Variants in MAP3K21 observed in about 807,000 individuals in gnomAD.
MAP3K21 encodes the protein mitogen-activated protein kinase kinase kinase 21, also known as mitogen-activated protein kinase kinase kinase MLK4.
MAP3K21 carries 63 observed loss-of-function variants against 86.1 expected under a neutral mutation model. The observed-to-expected ratio is 0.73, with a 90% CI of 0.60 to 0.90. The LOEUF (loss-of-function observed/expected upper bound fraction) is 0.90, where lower values mean the gene tolerates loss of function less well. MAP3K21 is among the 40% of genes least tolerant of loss of function. The pLI is 0.00. For synonymous variants in MAP3K21, 558 were observed against 564.8 expected, an observed-to-expected ratio of 0.99 and a Z score of 0.17; for missense variants, 1,220 against 1,367.7, an observed-to-expected ratio of 0.89 and a Z score of 1.70.
chr1:233,330,362 C>A lies in MAP3K21; in HGVS notation c.805+1529C>A, dbSNP rs190840778. On this transcript the variant is annotated intron_variant, in intron 1 of 9. Coordinates refer to ENST00000366624, the MANE Select transcript of MAP3K21 (RefSeq NM_032435.3). ...TGACAGACCACATGAAGGACTATAG[C>A]ATTGCTTGCTTTTGAACTGTGTTAC... 5.0e-3 allele frequency among the ~76,000 whole-genome samples: 767 copies of A among 152,294 alleles called. 6 individuals carry two copies. Among genetic ancestry groups the A allele is most frequent in the Non-Finnish European group, 7.3e-3 (497 of 68,034 alleles).
At position 233,382,796 on chromosome 1, in the gene MAP3K21, CTG is replaced by C. The variant is rs769902532; in HGVS notation, c.*89_*90del. The stretch of plus-strand genomic sequence containing the variant: ...TCTACCTTTGAACTGTTTCATGCTG[CTG>C]TGTTTTCAAAAGCTGTGGCCATGTT... On this transcript the variant is annotated 3_prime_UTR_variant, in exon 10 of 10. Coordinates refer to ENST00000366624, the MANE Select transcript of MAP3K21 (RefSeq NM_032435.3). The C allele has an allele frequency of 5.7e-6, 7 of 1,235,146 alleles. No homozygotes were observed. Among genetic ancestry groups the C allele is most frequent in the Admixed American group, 2.3e-5 (1 of 42,980 alleles). 76.5% of individuals were successfully genotyped at this position (1,235,146 alleles called of 1,614,324 possible). A position where few individuals can be genotyped will look rare whatever the true frequency, so the allele number is the denominator to read the frequency against.
At position 233,337,604 on chromosome 1, in the gene MAP3K21, G is replaced by C. The variant is rs972089146; in HGVS notation, c.805+8771G>C. ...ATTTGTTCATCTTGGTTGGAGGTGA[G>C]GGTCTTTTTAATTTGGCTAACTTGG... On this transcript the variant is annotated intron_variant, in intron 1 of 9. Coordinates refer to ENST00000366624, the MANE Select transcript of MAP3K21 (RefSeq NM_032435.3). Among the ~76,000 whole-genome samples, 3 of 152,270 alleles carry C rather than the reference G, an allele frequency of 2.0e-5. No individual in the cohort carries two copies. The East Asian group carries it at 5.8e-4, about 29-fold the overall frequency.
intron 4 of MAP3K21, among the ~76,000 whole-genome samples, chr1:233,355,247 AGAG>A (rs1663331098): frequency 1.4e-5 from 2 of 139,442 alleles, no homozygotes; most frequent in African/African-American, 2.7e-5. Context: ...AAAGAGAGAG[AGAG>A]CAAATAGCAT....
intron 9 of MAP3K21, 99 bp downstream of exon 9, chr1:233,379,809 AT>A: frequency 1.1e-6 from 1 of 921,636 alleles, no homozygotes; most frequent in Non-Finnish European, 1.6e-6. Context: ...TGGTGATGAC[AT>A]TTAATAATTT....
intron 9 of MAP3K21, among the ~76,000 whole-genome samples, chr1:233,382,028 T>C (rs1663925099): frequency 6.6e-6 from 1 of 152,212 alleles, no homozygotes; most frequent in South Asian, 2.1e-4. Context: ...TAGGTTGAAG[T>C]ACTCTTTGCA....
chr1:233,370,570 A>G (rs1663662019), intron 5 of MAP3K21, among the ~76,000 whole-genome samples: 1 of 152,202 alleles, frequency 6.6e-6, no homozygotes, highest in South Asian at 2.1e-4. Flanking sequence ...CTTCATCTCA[A>G]ATAGCAGTTC....
At chr1:233,381,325 T>C (rs75423874) in intron 9 of MAP3K21, among the ~76,000 whole-genome samples, 1,941 of 152,286 alleles carry the variant, frequency 0.013, 31 homozygotes, top group African/African-American at 0.042. Context: ...ATCTGTACAA[T>C]TGAGATCGTG....
At chr1:233,363,921 G>T (rs1481902250) in intron 5 of MAP3K21, among the ~76,000 whole-genome samples, 1 of 151,924 alleles carries the variant, frequency 6.6e-6, no homozygotes, top group Non-Finnish European at 1.5e-5. Context: ...GGCTGAGGCG[G>T]GGGAATCTCT....
At position 233,382,646 on chromosome 1, in the gene MAP3K21, T is replaced by C. The variant is rs1367040741; in HGVS notation, c.3046T>C (p.Cys1016Arg). 1.2e-6 allele frequency: 2 copies of C among 1,614,188 alleles called. No individual in the cohort carries two copies. The highest frequency in any genetic ancestry group is 1.6e-4 in the Middle Eastern group (1 of 6,062). ...GQSRDYTVPL[C>R]RMRSKTSRPS... ...GAGCAGGGACTACACTGTGCCACTGTGCAGAATGAGGAGCAAAACCAGCCG... is the reference window on the plus strand; with the variant it reads ...GAGCAGGGACTACACTGTGCCACTGCGCAGAATGAGGAGCAAAACCAGCCG... The change falls in exon 10 of 10, where the codon TGC becomes CGC. Residue 1016 changes from cysteine to arginine, a missense_variant. By Grantham distance (180) the Cys-to-Arg change is radical. Around this residue, in one of 5 missense-constraint regions of MAP3K21, gnomAD observed 632 missense variants for 691.3 expected, o/e 0.91. Transcript: ENST00000366624.
chr1:233,378,631 T>G (rs1234390948), intron 8 of MAP3K21, among the ~76,000 whole-genome samples: 1 of 152,188 alleles, frequency 6.6e-6, no homozygotes, highest in Non-Finnish European at 1.5e-5. Context: ...TTTTGTGTTT[T>G]GATGACTGTT....
intron 1 of MAP3K21, among the ~76,000 whole-genome samples, chr1:233,345,467 C>A (rs1194059762): frequency 6.6e-6 from 1 of 151,082 alleles, no homozygotes; most frequent in Non-Finnish European, 1.5e-5. Context: ...TCATTCTGAG[C>A]AAACTGTCAC....
intron 8 of MAP3K21, among the ~76,000 whole-genome samples, chr1:233,377,904 T>C (rs1409551037): frequency 6.6e-6 from 1 of 152,212 alleles, no homozygotes; most frequent in Non-Finnish European, 1.5e-5. Flanking sequence ...AGATCCCTTG[T>C]ATGTGCAGTT....
At chr1:233,338,858 A>G (rs1662963851) in intron 1 of MAP3K21, among the ~76,000 whole-genome samples, 1 of 152,214 alleles carries the variant, frequency 6.6e-6, no homozygotes, top group African/African-American at 2.4e-5. Flanking sequence ...GCAGTTTTGA[A>G]ATTTGATGAA....
intron 2 of MAP3K21, among the ~76,000 whole-genome samples, chr1:233,351,100 T>C (rs1222765979): frequency 1.7e-5 from 2 of 117,242 alleles, no homozygotes; most frequent in African/African-American, 6.8e-5. Flanking sequence ...TTATTCTATG[T>C]AAGTTTTTTT....
chr1:233,377,950 C>T (rs1328197322), intron 8 of MAP3K21, among the ~76,000 whole-genome samples: 2 of 152,140 alleles, frequency 1.3e-5, no homozygotes, highest in African/African-American at 2.4e-5. Context: ...GAATCTAATG[C>T]TTCTGCTGAA....
intron 2 of MAP3K21, among the ~76,000 whole-genome samples, chr1:233,348,639 C>T (rs1663192631): frequency 6.6e-6 from 1 of 152,106 alleles, no homozygotes; most frequent in African/African-American, 2.4e-5. Context: ...TCCGATTTCT[C>T]TCCATCTTCC....
chr1:233,371,089 A>G (rs1213687046), intron 5 of MAP3K21, among the ~76,000 whole-genome samples: 1 of 152,208 alleles, frequency 6.6e-6, no homozygotes, highest in Non-Finnish European at 1.5e-5. Context: ...TCTCTTCCAT[A>G]TGAACCTATA....
intron 5 of MAP3K21, 140 bp from the exon 6 acceptor site, chr1:233,371,898 C>G (rs943640544): frequency 6.3e-6 from 5 of 792,310 alleles, no homozygotes; most frequent in African/African-American, 1.8e-5. Context: ...AGTAAGAAAC[C>G]AAAATAAGAA....
At chr1:233,346,012 A>G (rs1185280492) in intron 1 of MAP3K21, among the ~76,000 whole-genome samples, 1 of 152,244 alleles carries the variant, frequency 6.6e-6, no homozygotes, top group African/African-American at 2.4e-5. Context: ...TTAATGTAAG[A>G]TAATGTTTGA....
Sources: allele counts gnomAD v4.1 joint callset (sites outside exome capture counted in the v4.1 genomes callset), GRCh38; gene constraint gnomAD v4.1.1; regional missense constraint gnomAD v4.1.1; transcripts MANE v1.5; gene names NCBI Gene and HGNC (gene_info 2026-07-23, HGNC 2026-07-21).